Variants in ITGA10 observed in about 807,000 individuals in gnomAD.
ITGA10 encodes integrin subunit alpha 10, also known as integrin alpha-10.
Under a neutral mutation model 145.2 loss-of-function variants are expected in ITGA10, and 105 were observed. The observed-to-expected ratio is 0.72, with a 90% CI of 0.62 to 0.85. The LOEUF is 0.85. ITGA10 is among the 40% of genes least tolerant of loss of function. ITGA10 has a pLI of 0.00. For missense variants in ITGA10, 1,317 were observed against 1,444.5 expected (o/e 0.91, Z 1.43); for synonymous variants, 506 against 557.8 (o/e 0.91, Z 1.31).
chr1:145,897,134 C>T, intron 21 of ITGA10, 47 bp from the exon 22 acceptor site: 1 of 1,570,292 alleles, frequency 6.4e-7, no homozygotes, highest in Non-Finnish European at 8.8e-7. Context: ...CCTCATGGAA[C>T]AACTACAGAG....
At chr1:145,897,737 C>A in intron 19 of ITGA10, 78 bp downstream of exon 19, 2 of 1,610,856 alleles carry the variant, frequency 1.2e-6, no homozygotes, top group Non-Finnish European at 1.7e-6. Context: ...GGGTAAGAAA[C>A]AACCCCCTAC....
chr1:145,901,040 C>T lies in ITGA10; in HGVS notation c.1588-47G>A, dbSNP rs782042239. ...AAGATGCTAATCTGGCAGACCCAAC[C>T]TCTCAGCAAACCCTCAAATATGTGC... On this transcript the variant is annotated intron_variant, in intron 13 of 29. Transcript: ENST00000369304. This position sits in a 1 kb window ranked among gnomAD's most constrained non-coding sequence, Gnocchi z 4.3. 45 of 1,612,980 alleles carry T rather than the reference C, an allele frequency of 2.8e-5. No homozygotes were observed. The highest frequency in any genetic ancestry group is 3.8e-5 in the Non-Finnish European group (45 of 1,179,196).
Position 145,900,797 on chromosome 1 carries a change from G to C in ITGA10, c.1784C>G (p.Pro595Arg). 6.2e-7 allele frequency: 1 copy of C among 1,614,172 alleles called. No homozygotes were observed. Residue 595 changes from proline to arginine, a missense_variant, in exon 14 of 30, where the codon CCT (proline) becomes CGT (arginine). Coordinates refer to ENST00000369304, the MANE Select transcript of ITGA10 (RefSeq NM_003637.5). ...HGTQSGVRPH[P>R]AQRIAAASMP... ...TATTTGGGTACTCCTGACCTGGGCA[G>C]GATGGGGCCTGACTCCACTCTGGGT...
chr1:145,895,430 T>C (rs1655247416), intron 26 of ITGA10, 37 bp from the exon 27 acceptor site: 2 of 1,558,608 alleles, frequency 1.3e-6, no homozygotes, highest in Non-Finnish European at 1.8e-6. Flanking sequence ...ATCAGGACTC[T>C]GGGGTAGAAA....
At chr1:145,904,522 C>A (rs1656841289) in intron 6 of ITGA10, among the ~76,000 whole-genome samples, 162 bp downstream of exon 6, 1 of 152,108 alleles carries the variant, frequency 6.6e-6, no homozygotes, top group Non-Finnish European at 1.5e-5. Flanking sequence ...GCGCATGCCA[C>A]CATGCCTGGC....
Position 145,896,779 on chromosome 1 carries a change from G to A in ITGA10, c.2824C>T (p.Leu942=), listed in dbSNP as rs782254725. 2 of 1,613,504 alleles carry A rather than the reference G, an allele frequency of 1.2e-6. No homozygotes were observed. The highest frequency in any genetic ancestry group is 8.5e-7 in the Non-Finnish European group (1 of 1,179,462). The change falls in exon 23 of 30, where the codon CTG becomes TTG. Residue 942 remains leucine (L), a synonymous_variant. Transcript: ENST00000369304. ...SAYIQYEPHL[L]FSSESTLHRY... ...AGAAGCTGGGCATACCTAGAGAACA[G>A]GAGGTGGGGCTCATATTGGATGTAG...
rs184611861 is a variant in ITGA10, at chr1:145,903,810, C to T, written c.758+242G>A. 3.9e-3 allele frequency among the ~76,000 whole-genome samples: 589 copies of T among 152,162 alleles called. 1 individual carries two copies. The highest frequency in any genetic ancestry group is 5.9e-3 in the Non-Finnish European group (401 of 68,006). ...TAAGTGATTCTCCTGCCTCAGCCTC[C>T]GAAGTAGCATGCCTCTGAACAGGCA... On this transcript the variant is annotated intron_variant, in intron 7 of 29. Transcript: ENST00000369304.
chr1:145,907,549 A>G (rs1345238377), intron 1 of ITGA10, 84 bp from the exon 2 acceptor site: 4 of 1,578,116 alleles, frequency 2.5e-6, no homozygotes, highest in South Asian at 1.2e-5. Context: ...GAAGCGTCTT[A>G]ATCTCAGTCT....
chr1:145,896,368 G>A lies in ITGA10; in HGVS notation c.2835-16C>T, dbSNP rs1242576058. On this transcript the variant is annotated splice_polypyrimidine_tract_variant and intron_variant, in intron 23 of 29. Transcript: ENST00000369304. Reference sequence around the variant, plus strand: ...GGTAGACTCACTGTGTGAACACCAAGTCAGGAAGTACATGGTCACAGCCAT... The same window carrying A: ...GGTAGACTCACTGTGTGAACACCAAATCAGGAAGTACATGGTCACAGCCAT... The A allele has an allele frequency of 6.3e-7, 1 of 1,595,488 alleles. No individual in the cohort carries two copies. Among genetic ancestry groups the A allele is most frequent in the Non-Finnish European group, 8.6e-7 (1 of 1,163,102 alleles).
In ITGA10 at chr1:145,897,280, A is replaced by G; in HGVS notation, c.2634T>C (p.Ser878=). The G allele has an allele frequency of 1.2e-6, 2 of 1,613,918 alleles. No individual in the cohort carries two copies. The highest frequency in any genetic ancestry group is 3.3e-5 in the Admixed American group (2 of 60,012). Reference sequence around the variant, plus strand: ...CAGTCTGGAAGACAGGATGCCCCACACTGCAGAGCCGGGCATGAGCAGAAG... The same window carrying G: ...CAGTCTGGAAGACAGGATGCCCCACGCTGCAGAGCCGGGCATGAGCAGAAG... The part of the protein sequence containing the change: ...AAPSAHARLC[S]VGHPVFQTGA... The change falls in exon 21 of 30, where the codon AGT becomes AGC. Residue 878 remains serine, a synonymous_variant. Coordinates refer to ENST00000369304, the MANE Select transcript of ITGA10 (RefSeq NM_003637.5).
In ITGA10 at chr1:145,892,143, T is replaced by C. The variant is rs1304221570; in HGVS notation, c.*655A>G. The C allele has an allele frequency of 6.6e-6, 1 of 152,666 alleles. No homozygotes were observed. The highest frequency in any genetic ancestry group is 1.5e-5 in the Non-Finnish European group (1 of 68,110). The allele number at this position is 152,666 out of a possible 1,614,324, so 9.5% of individuals were successfully genotyped here. A position where few individuals can be genotyped will look rare whatever the true frequency, so the allele number is the denominator to read the frequency against. On this transcript the variant is annotated 3_prime_UTR_variant, in exon 30 of 30. Coordinates refer to ENST00000369304, the MANE Select transcript of ITGA10 (RefSeq NM_003637.5). ...CTGTTTCACCAACACCTGAGGGCGG[T>C]CGAGTGCACTACAGGTCTCAGGTTT...
At position 145,906,792 on chromosome 1, in the gene ITGA10, C is replaced by A. The variant is rs1657204118; in HGVS notation, c.307G>T (p.Ala103Ser). The change falls in exon 4 of 30, where the codon GCT (alanine) becomes TCT (serine). Residue 103 changes from alanine to serine, a missense_variant. Transcript: ENST00000369304. Reference sequence around the variant, plus strand: ...GACATCCCCAGGTGCATATTCACAGCAGGATGAGATGAATTTCCCAGTTGG... The same window carrying A: ...GACATCCCCAGGTGCATATTCACAGAAGGATGAGATGAATTTCCCAGTTGG... ...DYQLGNSSHP[A>S]VNMHLGMSLL... 1 of 1,613,678 alleles carries A rather than the reference C, an allele frequency of 6.2e-7. No homozygotes were observed. The highest frequency in any genetic ancestry group is 1.3e-5 in the African/African-American group (1 of 74,858).
In ITGA10 at chr1:145,898,958, TCACAAGTGACATTCCC is replaced by T; in HGVS notation, c.2194_2209del (p.Gly732SerfsTer19). The T allele has an allele frequency of 6.2e-7, 1 of 1,614,084 alleles. No individual in the cohort carries two copies. The highest frequency in any genetic ancestry group is 1.1e-5 in the South Asian group (1 of 91,072). ...TACCAGCACATGGAAGTGTAGCTGC[TCACAAGTGACATTCCC>T]CACACTGAGCCGGAGCCTCCGAGGG... On this transcript the variant is annotated frameshift_variant, in exon 17 of 30. Transcript: ENST00000369304. LOFTEE classifies it high-confidence loss of function.
At position 145,895,366 on chromosome 1, in the gene ITGA10, C is replaced by T. The variant is rs782368295; in HGVS notation, c.3142G>A (p.Val1048Met). ...LNGSNTQCQVVRCHLGQLAKG... is the reference protein window; with the variant it reads ...LNGSNTQCQVMRCHLGQLAKG... ...GCCAGCTGCCCAAGGTGGCACCTCA[C>T]CACCTGACACTGAGTATTGCTCCCA... Residue 1048 changes from valine (V) to methionine (M), a missense_variant, in exon 27 of 30, where the codon GTG becomes ATG. Physicochemically the swap from Val to Met is conservative, Grantham distance 21 (BLOSUM62 1). Coordinates refer to ENST00000369304, the MANE Select transcript of ITGA10 (RefSeq NM_003637.5). 6.2e-7 allele frequency: 1 copy of T among 1,614,000 alleles called. No individual in the cohort carries two copies. Among genetic ancestry groups the T allele is most frequent in the South Asian group, 1.1e-5 (1 of 91,064 alleles).
At chr1:145,893,118 C>T in intron 29 of ITGA10, 43 bp downstream of exon 29, 1 of 1,406,846 alleles carries the variant, frequency 7.1e-7, no homozygotes, top group Non-Finnish European at 1.0e-6. Flanking sequence ...TCCCTCAACT[C>T]ATGGGCATCA....
intron 1 of ITGA10, among the ~76,000 whole-genome samples, chr1:145,909,640 A>G (rs1036815872): frequency 7.8e-5 from 11 of 140,470 alleles, no homozygotes; most frequent in Non-Finnish European, 1.7e-4. Context: ...TATTATATGT[A>G]TATTATATAT....
chr1:145,893,697 T>G, intron 27 of ITGA10, 62 bp from the exon 28 acceptor site: 1 of 1,330,214 alleles, frequency 7.5e-7, no homozygotes, highest in East Asian at 2.4e-5. Flanking sequence ...TATAGTTCTT[T>G]GGAATCCCAA....
At chr1:145,902,156 C>CTCACCCTG in intron 10 of ITGA10, 90 bp downstream of exon 10, 1 of 1,565,748 alleles carries the variant, frequency 6.4e-7, no homozygotes, top group Non-Finnish European at 8.8e-7. Flanking sequence ...AGCATGGAGG[C>CTCACCCTG]TGGTTAAAGG....
intron 27 of ITGA10, among the ~76,000 whole-genome samples, chr1:145,894,825 A>G (rs1553744327): frequency 2.0e-5 from 3 of 152,218 alleles, no homozygotes; most frequent in Non-Finnish European, 4.4e-5. Context: ...AGCGCCTACA[A>G]TGAGTTAGGC....
Sources: gnomAD v4.1 joint callset for allele counts (sites outside exome capture counted in the v4.1 genomes callset) on GRCh38, gnomAD v4.1.1 for gene constraint, Gnocchi (gnomAD v3.1) non-coding constraint, MANE v1.5 for transcripts, NCBI Gene and HGNC (gene_info 2026-07-23, HGNC 2026-07-21) for gene names.